OPHN1: variants seen among roughly 807,000 people sequenced by gnomAD.
OPHN1 encodes oligophrenin 1.
Under a neutral mutation model 60.7 loss-of-function variants are expected in OPHN1, and 11 were observed. The observed-to-expected ratio is 0.18, with a 90% CI of 0.11 to 0.30. The LOEUF is 0.30. Ranked by LOEUF, OPHN1 falls within the 10% of genes least tolerant of loss-of-function variation. The pLI is 1.00. For missense variants in OPHN1, 449 were observed against 611.0 expected (o/e 0.73, Z 2.80); for synonymous variants, 226 against 222.6 (o/e 1.02, Z -0.14).
chrX:68,131,111 A>C (rs2077192337), intron 15 of OPHN1, among the ~76,000 whole-genome samples: 1 of 111,896 alleles, frequency 8.9e-6, no homozygotes, highest in South Asian at 3.7e-4. Flanking sequence ...GGAATGGTCA[A>C]AAGTCTACCA....
intron 3 of OPHN1, among the ~76,000 whole-genome samples, chrX:68,293,976 CT>C (rs2078081942): frequency 9.0e-6 from 1 of 111,216 alleles, no homozygotes; most frequent in Non-Finnish European, 1.9e-5. Context: ...GAATTAGGGG[CT>C]ACCATGTGCT....
chrX:68,351,073 C>T (rs1485637991), intron 2 of OPHN1, among the ~76,000 whole-genome samples: 2 of 110,884 alleles, frequency 1.8e-5, no homozygotes, highest in Non-Finnish European at 3.8e-5. Flanking sequence ...GGATTACAGG[C>T]GAGCACCACC....
rs1334333714 is a variant in OPHN1, at chrX:68,043,505, T to C, written c.*3667A>G. On this transcript the variant is annotated 3_prime_UTR_variant, in exon 25 of 25. Transcript: ENST00000355520. ...TGCAGCTACCTTAGAAGTAGTATAA[T>C]TGATCTATGTTCTCTCAAAAGCAAT... 1 of 111,690 alleles carries C rather than the reference T, an allele frequency of 9.0e-6. No homozygotes were observed. Among genetic ancestry groups the C allele is most frequent in the African/African-American group, 3.3e-5 (1 of 30,680 alleles). The allele number at this position is 111,690 out of a possible 1,213,427, so 9.2% of individuals were successfully genotyped here.
chrX:68,261,793 C>T (rs1468750355), intron 5 of OPHN1, among the ~76,000 whole-genome samples: 1 of 111,697 alleles, frequency 9.0e-6, no homozygotes, highest in African/African-American at 3.3e-5. Flanking sequence ...TTCATGGACT[C>T]GCAGCCAAAG....
intron 15 of OPHN1, among the ~76,000 whole-genome samples, chrX:68,128,040 G>T (rs1484336914): frequency 9.1e-6 from 1 of 109,670 alleles, no homozygotes; most frequent in African/African-American, 3.3e-5. Flanking sequence ...AAATGCAAGA[G>T]AAATTACTGA....
At chrX:68,099,167 T>C (rs761009942) in intron 18 of OPHN1, among the ~76,000 whole-genome samples, 18 of 112,016 alleles carry the variant, frequency 1.6e-4, no homozygotes, top group South Asian at 3.7e-4. Context: ...TTTGGGGAAA[T>C]TGCTTTGCAT....
intron 2 of OPHN1, among the ~76,000 whole-genome samples, chrX:68,399,821 T>C (rs1435809868): frequency 2.4e-5 from 2 of 83,044 alleles, no homozygotes; most frequent in African/African-American, 7.1e-5. Flanking sequence ...GTTTCTTTTT[T>C]TTTCTTTCTT....
intron 2 of OPHN1, among the ~76,000 whole-genome samples, chrX:68,362,599 G>A (rs2078478797): frequency 9.0e-6 from 1 of 111,157 alleles, no homozygotes; most frequent in South Asian, 3.8e-4. Context: ...ATAGATGAAA[G>A]CATCATGAAG....
intron 11 of OPHN1, 71 bp from the exon 12 acceptor site, chrX:68,197,335 G>A: frequency 1.3e-6 from 1 of 790,996 alleles, no homozygotes; most frequent in East Asian, 3.1e-5. Context: ...GTGATCTAGG[G>A]TCCCTCTCTG....
chrX:68,121,932 C>T (rs2077152159), intron 15 of OPHN1, among the ~76,000 whole-genome samples: 1 of 109,150 alleles, frequency 9.2e-6, no homozygotes, highest in Admixed American at 9.9e-5. Flanking sequence ...CAAAAGGGAA[C>T]CCACTGCCTT....
At chrX:68,102,146 CA>C (rs1482276025) in intron 18 of OPHN1, 1 of 111,731 alleles carries the variant, frequency 9.0e-6, no homozygotes, top group Non-Finnish European at 1.9e-5. Flanking sequence ...TCAGCAAATG[CA>C]AAATAACAGA....
At chrX:68,238,338 C>A (rs1228958439) in intron 5 of OPHN1, among the ~76,000 whole-genome samples, 13 of 110,189 alleles carry the variant, frequency 1.2e-4, no homozygotes, top group African/African-American at 4.3e-4. Flanking sequence ...GGACCAATAT[C>A]CGACTGTTTT....
intron 2 of OPHN1, among the ~76,000 whole-genome samples, chrX:68,402,899 C>A (rs1056960475): frequency 1.8e-5 from 2 of 111,758 alleles, no homozygotes; most frequent in Non-Finnish European, 3.8e-5. Flanking sequence ...TAGGCACATA[C>A]TCACACGTTA....
At chrX:68,278,937 G>C (rs2078005741) in intron 4 of OPHN1, among the ~76,000 whole-genome samples, 1 of 108,565 alleles carries the variant, frequency 9.2e-6, no homozygotes, top group Non-Finnish European at 1.9e-5. Context: ...CTAAAGACAG[G>C]CTGAAATATT....
Position 68,389,459 on chromosome X carries a change from C to T in OPHN1, c.154+43408G>A, listed in dbSNP as rs998589710. Among the ~76,000 whole-genome samples the T allele has an allele frequency of 7.4e-5, 8 of 107,747 alleles. No homozygotes were observed. In the East Asian group the frequency reaches 8.8e-4, roughly 12 times the overall value. 93.6% of individuals were successfully genotyped at this position (107,747 alleles called of 115,157 possible). On this transcript the variant is annotated intron_variant, in intron 2 of 24. Coordinates refer to ENST00000355520, the MANE Select transcript of OPHN1 (RefSeq NM_002547.3). ...GAGGGTGCCTGTAATCTCAGCTACTCGGGAGGCTAAGGCAGGAGAATCGCT... is the reference window on the plus strand; with the variant it reads ...GAGGGTGCCTGTAATCTCAGCTACTTGGGAGGCTAAGGCAGGAGAATCGCT...
chrX:68,242,797 T>C (rs1367130189), intron 5 of OPHN1, among the ~76,000 whole-genome samples: 1 of 112,365 alleles, frequency 8.9e-6, no homozygotes, highest in Non-Finnish European at 1.9e-5. Context: ...AACATTATGC[T>C]AATTCAAATA....
chrX:68,239,590 G>C (rs1290191431), intron 5 of OPHN1, among the ~76,000 whole-genome samples: 2 of 110,472 alleles, frequency 1.8e-5, no homozygotes, highest in Non-Finnish European at 3.8e-5. Flanking sequence ...CTTATTGCAC[G>C]TATTAAAAAT....
intron 6 of OPHN1, among the ~76,000 whole-genome samples, chrX:68,223,819 C>T (rs970998311): frequency 9.0e-6 from 1 of 111,369 alleles, no homozygotes; most frequent in Admixed American, 9.6e-5. Context: ...AAAAAGCATA[C>T]TTCAGAACAA....
At chrX:68,364,940 TA>T (rs1292938883) in intron 2 of OPHN1, among the ~76,000 whole-genome samples, 1 of 111,718 alleles carries the variant, frequency 9.0e-6, no homozygotes, top group East Asian at 2.8e-4. Context: ...CTAACTTCTC[TA>T]ATCCTCACTT....
Sources: gnomAD v4.1 joint callset for allele counts (sites outside exome capture counted in the v4.1 genomes callset) on GRCh38, gnomAD v4.1.1 for gene constraint, MANE v1.5 for transcripts, NCBI Gene and HGNC (gene_info 2026-07-23, HGNC 2026-07-21) for gene names.